The following IQGAP2 variants were observed in gnomAD, a reference collection of about 807,000 sequenced individuals.
IQGAP2 encodes IQ motif containing GTPase activating protein 2.
IQGAP2 carries 173 observed loss-of-function variants against 201.3 expected under a neutral mutation model. That is an observed-to-expected ratio of 0.86 (90% CI 0.76 to 0.98). IQGAP2 has a LOEUF of 0.98. Ranked by LOEUF, IQGAP2 falls within the 50% of genes least tolerant of loss-of-function variation. The pLI is 0.00. For missense variants in IQGAP2, 1,687 were observed against 1,864.8 expected (o/e 0.90, Z 1.76); for synonymous variants, 675 against 673.9 (o/e 1.00, Z -0.03).
At chr5:76,639,480 C>T (rs1751397575) in intron 16 of IQGAP2, among the ~76,000 whole-genome samples, 1 of 152,166 alleles carries the variant, frequency 6.6e-6, no homozygotes, top group South Asian at 2.1e-4. Context: ...AAGGAATATT[C>T]ACCAACATTG....
chr5:76,483,096 G>A (rs1755888717), intron 2 of IQGAP2, among the ~76,000 whole-genome samples: 1 of 152,244 alleles, frequency 6.6e-6, no homozygotes, highest in Non-Finnish European at 1.5e-5. Flanking sequence ...AGTAGGAACA[G>A]CTGTGAATCA....
At chr5:76,593,612 T>C (rs1265119395) in intron 9 of IQGAP2, among the ~76,000 whole-genome samples, 1 of 152,208 alleles carries the variant, frequency 6.6e-6, no homozygotes, top group Admixed American at 6.5e-5. Context: ...CAAAACCTAT[T>C]TTTACTTGAG....
chr5:76,496,777 C>CT (rs374034578), intron 2 of IQGAP2, among the ~76,000 whole-genome samples: 2 of 66,050 alleles, frequency 3.0e-5, no homozygotes, highest in Non-Finnish European at 2.7e-5. Context: ...TTCTTTCTTT[C>CT]TTTCTTTCTT....
intron 2 of IQGAP2, among the ~76,000 whole-genome samples, chr5:76,523,452 T>C (rs957158841): frequency 6.6e-6 from 1 of 152,158 alleles, no homozygotes; most frequent in Admixed American, 6.5e-5. Context: ...TCTCGCCATA[T>C]CAAATTTTTG....
At chr5:76,661,392 A>T (rs1035280042) in intron 21 of IQGAP2, among the ~76,000 whole-genome samples, 2 of 152,188 alleles carry the variant, frequency 1.3e-5, no homozygotes, top group African/African-American at 4.8e-5. Context: ...ATAAAAAAGT[A>T]TAGGTCAGCC....
intron 2 of IQGAP2, among the ~76,000 whole-genome samples, chr5:76,522,725 G>A (rs984668797): frequency 6.6e-6 from 1 of 152,174 alleles, no homozygotes; most frequent in Non-Finnish European, 1.5e-5. Context: ...TGATAGAGCA[G>A]AGATAGTATG....
At chr5:76,509,045 GTGTGTGT>G (rs1757792498) in intron 2 of IQGAP2, among the ~76,000 whole-genome samples, 1 of 150,484 alleles carries the variant, frequency 6.6e-6, no homozygotes, top group Non-Finnish European at 1.5e-5. Flanking sequence ...GTGTGTGTGT[GTGTGTGT>G]GTGTGTATGT....
intron 2 of IQGAP2, among the ~76,000 whole-genome samples, chr5:76,462,363 C>T (rs1462728370): frequency 6.6e-6 from 1 of 152,130 alleles, no homozygotes; most frequent in African/African-American, 2.4e-5. Flanking sequence ...TGTGTGGCCA[C>T]TTAGGGTATA....
At chr5:76,566,649 C>T (rs1478766638) in intron 3 of IQGAP2, among the ~76,000 whole-genome samples, 1 of 151,938 alleles carries the variant, frequency 6.6e-6, no homozygotes. Context: ...AGAGAACAAA[C>T]CAGAAGGAGG....
chr5:76,546,959 C>T (rs753227036), intron 2 of IQGAP2, among the ~76,000 whole-genome samples: 2 of 152,220 alleles, frequency 1.3e-5, no homozygotes, highest in Admixed American at 6.5e-5. Context: ...CAATGATTGA[C>T]GGCATCTAGT....
chr5:76,592,604 A>G (rs996263344), intron 8 of IQGAP2, among the ~76,000 whole-genome samples: 7 of 152,196 alleles, frequency 4.6e-5, no homozygotes, highest in Admixed American at 4.6e-4. Flanking sequence ...AATGTTTTCC[A>G]CATTTGAAAA....
rs745852713 is a variant in IQGAP2, at chr5:76,665,151, T to G, written c.2655T>G (p.Tyr885Ter). The change falls in exon 22 of 36, where the codon TAT becomes TAG. Residue 885 changes from tyrosine to a stop codon, truncating the protein, a stop_gained. Transcript: ENST00000274364. LOFTEE classifies it high-confidence loss of function. ...AGAGGAGAAAAACACTAGAAACATATCAGCAGCTGTTTTACCTTTTACAGG... is the reference window on the plus strand; with the variant it reads ...AGAGGAGAAAAACACTAGAAACATAGCAGCAGCTGTTTTACCTTTTACAGG... ...SKERRKTLET[Y>*]QQLFYLLQTN... is the part of the protein sequence containing the mutation. 3 of 1,613,310 alleles carry G rather than the reference T, an allele frequency of 1.9e-6. No homozygotes were observed. The highest frequency in any genetic ancestry group is 2.5e-6 in the Non-Finnish European group (3 of 1,179,644).
At chr5:76,576,350 T>A (rs1745475955) in intron 5 of IQGAP2, among the ~76,000 whole-genome samples, 2 of 152,202 alleles carry the variant, frequency 1.3e-5, no homozygotes, top group African/African-American at 2.4e-5. Flanking sequence ...ATAACTTAAT[T>A]TTTGAAAATG....
At chr5:76,499,772 G>A (rs891831675) in intron 2 of IQGAP2, among the ~76,000 whole-genome samples, 1 of 152,100 alleles carries the variant, frequency 6.6e-6, no homozygotes, top group Non-Finnish European at 1.5e-5. Flanking sequence ...GTTACCAAGA[G>A]AATAGGCTCA....
At chr5:76,536,697 T>C (rs559906894) in intron 2 of IQGAP2, among the ~76,000 whole-genome samples, 38 of 151,612 alleles carry the variant, frequency 2.5e-4, no homozygotes, top group Non-Finnish European at 4.7e-4. Context: ...AAGGTGAAGG[T>C]TGTAGTGAGC....
chr5:76,483,458 A>G (rs1339963851), intron 2 of IQGAP2, among the ~76,000 whole-genome samples: 1 of 152,214 alleles, frequency 6.6e-6, no homozygotes, highest in Non-Finnish European at 1.5e-5. Context: ...TATAATTCGT[A>G]TTGGAACAAC....
At chr5:76,419,644 G>A (rs140971737) in intron 1 of IQGAP2, among the ~76,000 whole-genome samples, 2,056 of 151,162 alleles carry the variant, frequency 0.014, 17 homozygotes, top group Non-Finnish European at 0.019. Context: ...GTCCTCACTA[G>A]GGTATTCTTT....
At chr5:76,591,594 C>T (rs1365151524) in intron 8 of IQGAP2, among the ~76,000 whole-genome samples, 2 of 152,190 alleles carry the variant, frequency 1.3e-5, no homozygotes, top group Non-Finnish European at 2.9e-5. Flanking sequence ...CAGGGTTGGC[C>T]TCCTACCTTG....
chr5:76,664,551 C>T (rs1016694234), intron 21 of IQGAP2, among the ~76,000 whole-genome samples: 8 of 152,126 alleles, frequency 5.3e-5, no homozygotes, highest in South Asian at 2.1e-4. Flanking sequence ...GGTGTGGAGG[C>T]GCGTGCCTGT....
Sources: allele counts gnomAD v4.1 joint callset (sites outside exome capture counted in the v4.1 genomes callset), GRCh38; gene constraint gnomAD v4.1.1; transcripts MANE v1.5; gene names NCBI Gene and HGNC (gene_info 2026-07-23, HGNC 2026-07-21).